Variants in FHOD3 observed in about 807,000 individuals in gnomAD.
FHOD3 encodes the protein FH1/FH2 domain-containing protein 3.
In FHOD3, 90 loss-of-function variants were observed where a neutral mutation model predicts 173.0. That is an observed-to-expected ratio of 0.52 (90% CI 0.44 to 0.62). FHOD3 has a LOEUF of 0.62. Among genes scored for constraint, FHOD3 ranks in the 20% least tolerant of loss-of-function variants. FHOD3 has a pLI of 0.00. For synonymous variants in FHOD3, 828 were observed against 823.0 expected (o/e 1.01, Z -0.10); for missense variants, 1,945 against 2,034.7 (o/e 0.96, Z 0.85).
At chr18:36,433,457 C>A (rs2050658332) in intron 3 of FHOD3, among the ~76,000 whole-genome samples, 1 of 152,228 alleles carries the variant, frequency 6.6e-6, no homozygotes, top group East Asian at 1.9e-4. Context: ...AGCTTCAGGA[C>A]CAGTTTTAGC....
At chr18:36,365,858 G>A (rs1441083778) in intron 2 of FHOD3, among the ~76,000 whole-genome samples, 1 of 152,174 alleles carries the variant, frequency 6.6e-6, no homozygotes, top group Non-Finnish European at 1.5e-5. Flanking sequence ...TTGTTGAAGT[G>A]AGGGTGAAGG....
intron 3 of FHOD3, among the ~76,000 whole-genome samples, chr18:36,463,878 G>T (rs1048514872): frequency 2.0e-5 from 3 of 152,290 alleles, no homozygotes; most frequent in Non-Finnish European, 4.4e-5. Flanking sequence ...AGAAGTTGGA[G>T]AAATTAAAAT....
In FHOD3 at chr18:36,693,076, T is replaced by C. The variant is rs479570; in HGVS notation, c.2022-133T>C. On this transcript the variant is annotated intron_variant, in intron 16 of 28. Transcript: ENST00000590592. ...TGCTGGGTGTTTTTGGCAGGCTGAC[T>C]CTCCAGCCAGCCCTGCACTGTGCTG... 579,358 of 872,156 alleles carry C rather than the reference T, an allele frequency of 0.66. 193,879 individuals carry two copies. The highest frequency in any genetic ancestry group is 0.78 in the African/African-American group (45,717 of 58,912). 54.0% of individuals were successfully genotyped at this position (872,156 alleles called of 1,614,324 possible).
chr18:36,715,726 A>C (rs2040412830), intron 18 of FHOD3, among the ~76,000 whole-genome samples: 1 of 152,256 alleles, frequency 6.6e-6, no homozygotes, highest in South Asian at 2.1e-4. Flanking sequence ...TTTGATAGTC[A>C]TAAGAGCTGT....
intron 2 of FHOD3, among the ~76,000 whole-genome samples, chr18:36,364,556 G>T (rs1031032080): frequency 1.3e-5 from 2 of 152,186 alleles, no homozygotes; most frequent in Non-Finnish European, 2.9e-5. Context: ...TGAGGAGAGT[G>T]AAGAGCAGTA....
chr18:36,652,470 A>G, intron 11 of FHOD3, 100 bp from the exon 12 acceptor site: 1 of 1,356,588 alleles, frequency 7.4e-7, no homozygotes, highest in Non-Finnish European at 9.8e-7. Context: ...TGATAATAGT[A>G]CAGAAGTGGC....
chr18:36,446,646 G>A (rs2051494640), intron 3 of FHOD3, among the ~76,000 whole-genome samples: 1 of 152,078 alleles, frequency 6.6e-6, no homozygotes. Context: ...TCCTGTCCAA[G>A]GTTGGTCCTG....
intron 28 of FHOD3, among the ~76,000 whole-genome samples, chr18:36,770,038 C>T (rs1409569233): frequency 1.3e-5 from 2 of 152,204 alleles, no homozygotes; most frequent in East Asian, 1.9e-4. Flanking sequence ...ACTGCCTGCT[C>T]CTGCCCACCC....
At chr18:36,400,981 A>G (rs1397516455) in intron 3 of FHOD3, among the ~76,000 whole-genome samples, 2 of 152,206 alleles carry the variant, frequency 1.3e-5, no homozygotes, top group Non-Finnish European at 2.9e-5. Flanking sequence ...TTTATGTGAA[A>G]GTGCAAGGCT....
At chr18:36,655,745 CCA>C (rs60138204) in intron 13 of FHOD3, among the ~76,000 whole-genome samples, 124 of 137,764 alleles carry the variant, frequency 9.0e-4, no homozygotes, top group African/African-American at 2.0e-3. Flanking sequence ...CCCTCACCCT[CCA>C]CACACACACA....
intron 12 of FHOD3, 71 bp downstream of exon 12, chr18:36,653,000 CCTTGG>C: frequency 6.9e-7 from 1 of 1,452,160 alleles, no homozygotes; most frequent in South Asian, 1.4e-5. Context: ...TAACTGCACC[CCTTGG>C]CTTGGCTTCT....
chr18:36,573,049 C>T (rs1405409983), intron 5 of FHOD3, among the ~76,000 whole-genome samples: 1 of 149,046 alleles, frequency 6.7e-6, no homozygotes, highest in African/African-American at 2.5e-5. Flanking sequence ...CATCTTTCTG[C>T]AGGAGGGTGG....
chr18:36,750,931 CT>C (rs2150155113), intron 24 of FHOD3, among the ~76,000 whole-genome samples: 1 of 152,286 alleles, frequency 6.6e-6, no homozygotes, highest in South Asian at 2.1e-4. Flanking sequence ...CAGCTTTGTT[CT>C]TTTTGCTTAG....
intron 2 of FHOD3, among the ~76,000 whole-genome samples, chr18:36,358,260 A>G (rs539713895): frequency 1.3e-5 from 2 of 152,310 alleles, no homozygotes; most frequent in South Asian, 4.1e-4. Context: ...TGGTGGCATG[A>G]GGTTGGTTCC....
intron 6 of FHOD3, among the ~76,000 whole-genome samples, chr18:36,583,213 G>A (rs2148133379): frequency 6.6e-6 from 1 of 152,274 alleles, no homozygotes; most frequent in African/African-American, 2.4e-5. Context: ...TGACCATCCA[G>A]CTGTGTTTCT....
At chr18:36,450,326 G>C (rs1269283129) in intron 3 of FHOD3, among the ~76,000 whole-genome samples, 1 of 152,186 alleles carries the variant, frequency 6.6e-6, no homozygotes, top group African/African-American at 2.4e-5. Context: ...CTCCCTGGTG[G>C]GAAGGAGAAG....
chr18:36,467,693 C>T (rs559923669), intron 3 of FHOD3, among the ~76,000 whole-genome samples: 2 of 152,340 alleles, frequency 1.3e-5, no homozygotes, highest in African/African-American at 4.8e-5. Context: ...ACCCTAGGAC[C>T]GTTGAAGAGC....
At chr18:36,331,400 G>A (rs2045003011) in intron 1 of FHOD3, among the ~76,000 whole-genome samples, 1 of 152,214 alleles carries the variant, frequency 6.6e-6, no homozygotes, top group Admixed American at 6.5e-5. Flanking sequence ...GATAAACGTG[G>A]CAGAGTTTGC....
At position 36,779,605 on chromosome 18, in the gene FHOD3, TTGGGGAGACTTGATA is replaced by T; in HGVS notation, c.*77_*91del. The T allele has an allele frequency of 7.8e-7, 1 of 1,280,772 alleles. No individual in the cohort carries two copies. The highest frequency in any genetic ancestry group is 1.1e-6 in the Non-Finnish European group (1 of 884,136). The allele number at this position is 1,280,772 out of a possible 1,614,324, so 79.3% of individuals were successfully genotyped here. A position where few individuals can be genotyped will look rare whatever the true frequency, so the allele number is the denominator to read the frequency against. On this transcript the variant is annotated 3_prime_UTR_variant, in exon 29 of 29. Transcript: ENST00000590592. ...CTGGATGAAACCCCTCCAGGTGGGGTTGGGGAGACTTGATATTCACATCCAACAGTTTGAAAAGGG... is the reference window on the plus strand; with the variant it reads ...CTGGATGAAACCCCTCCAGGTGGGGTTTCACATCCAACAGTTTGAAAAGGG...
Sources: gnomAD v4.1 joint callset for allele counts (sites outside exome capture counted in the v4.1 genomes callset) on GRCh38, gnomAD v4.1.1 for gene constraint, MANE v1.5 for transcripts, NCBI Gene and HGNC (gene_info 2026-07-23, HGNC 2026-07-21) for gene names.